Variants in ZNF98 observed in about 807,000 individuals in gnomAD.
The protein encoded by ZNF98 is zinc finger protein 739.
A neutral mutation model predicts 12.8 loss-of-function variants in ZNF98; 8 were observed. The observed-to-expected ratio is 0.63, with a 90% CI of 0.37 to 1.13. ZNF98 has a LOEUF of 1.13. Among genes scored for constraint, ZNF98 ranks in the 50% most tolerant of loss-of-function variants. The pLI is 0.01. For missense variants in ZNF98, 379 were observed against 666.1 expected (o/e 0.57, Z 4.74); for synonymous variants, 112 against 223.5 (o/e 0.50, Z 4.45).
intron 1 of ZNF98, among the ~76,000 whole-genome samples, chr19:22,418,266 A>T (rs1969665783): frequency 6.6e-6 from 1 of 152,074 alleles, no homozygotes; most frequent in African/African-American, 2.4e-5. Flanking sequence ...ACCTCCCTCA[A>T]GTTTCATAAT....
chr19:22,400,964 C>G (rs111498572), intron 3 of ZNF98, among the ~76,000 whole-genome samples: 1 of 139,740 alleles, frequency 7.2e-6, no homozygotes, highest in Non-Finnish European at 1.5e-5. Context: ...AAAAACAAAA[C>G]AAAACAAAAC....
intron 3 of ZNF98, among the ~76,000 whole-genome samples, chr19:22,401,789 G>A (rs1969460343): frequency 6.6e-6 from 1 of 151,510 alleles, no homozygotes; most frequent in Admixed American, 6.6e-5. Context: ...CCGGCTGAAA[G>A]AATATTATTA....
At chr19:22,396,160 T>G (rs2957822) in intron 3 of ZNF98, among the ~76,000 whole-genome samples, 4,150 of 152,082 alleles carry the variant, frequency 0.027, 56 homozygotes, top group African/African-American at 0.089. Flanking sequence ...CATTTTAAAT[T>G]ATCTCTAAAT....
intron 3 of ZNF98, among the ~76,000 whole-genome samples, chr19:22,394,714 A>G (rs1160696525): frequency 1.3e-5 from 2 of 152,086 alleles, no homozygotes; most frequent in Non-Finnish European, 2.9e-5. Context: ...GAAGGACAGC[A>G]TTAACCACCA....
rs1969619532 is a variant in ZNF98, at chr19:22,414,615, G to A, written c.30+7580C>T. 4.6e-5 allele frequency among the ~76,000 whole-genome samples: 7 copies of A among 152,046 alleles called. No homozygotes were observed. In the South Asian group the frequency reaches 1.4e-3, roughly 31 times the overall value. On this transcript the variant is annotated intron_variant, in intron 1 of 3. Transcript: ENST00000357774. ...CTACAACCATCTGGTCTTTGGCAAA[G>A]CTAACAAGAGGAATCTGGAAAGAAT...
intron 1 of ZNF98, among the ~76,000 whole-genome samples, chr19:22,405,669 C>T (rs556838971): frequency 6.6e-6 from 1 of 152,328 alleles, no homozygotes; most frequent in East Asian, 1.9e-4. Flanking sequence ...TCTCAACAAC[C>T]TCTCAGCTAA....
At chr19:22,401,069 A>AT (rs1009376428) in intron 3 of ZNF98, among the ~76,000 whole-genome samples, 1 of 150,770 alleles carries the variant, frequency 6.6e-6, no homozygotes, top group African/African-American at 2.5e-5. Context: ...CAATGCTTCT[A>AT]TTTTAACACA....
chr19:22,413,637 G>A (rs1432629806), intron 1 of ZNF98, among the ~76,000 whole-genome samples: 3 of 151,804 alleles, frequency 2.0e-5, no homozygotes, highest in Non-Finnish European at 2.9e-5. Flanking sequence ...TTGGGAGGCC[G>A]AGACAGGCAG....
chr19:22,394,003 A>G (rs1969362396), intron 3 of ZNF98, among the ~76,000 whole-genome samples: 1 of 148,430 alleles, frequency 6.7e-6, no homozygotes, highest in Non-Finnish European at 1.5e-5. Flanking sequence ...AAAACTAACA[A>G]CCCCATCAAA....
intron 1 of ZNF98, among the ~76,000 whole-genome samples, chr19:22,411,710 A>C (rs932242233): frequency 2.0e-5 from 3 of 152,244 alleles, no homozygotes; most frequent in African/African-American, 7.2e-5. Context: ...TAAATGCGTT[A>C]ATAAAACAGA....
intron 1 of ZNF98, among the ~76,000 whole-genome samples, chr19:22,417,550 C>A (rs752181000): frequency 1.3e-5 from 2 of 152,036 alleles, no homozygotes; most frequent in Admixed American, 1.3e-4. Flanking sequence ...CTACAGATAG[C>A]GGCTCAGGTA....
intron 1 of ZNF98, among the ~76,000 whole-genome samples, chr19:22,409,741 G>A (rs1208576994): frequency 4.0e-5 from 6 of 151,598 alleles, no homozygotes; most frequent in East Asian, 1.9e-4. Flanking sequence ...GTGAGACCCC[G>A]CCTCTACTAA....
chr19:22,420,241 C>T (rs1389897368), intron 1 of ZNF98, among the ~76,000 whole-genome samples: 1 of 152,090 alleles, frequency 6.6e-6, no homozygotes, highest in Non-Finnish European at 1.5e-5. Flanking sequence ...AGAGATTCTC[C>T]CACTCCAACC....
chr19:22,393,773 G>T (rs1322014515), intron 3 of ZNF98, among the ~76,000 whole-genome samples: 2 of 152,136 alleles, frequency 1.3e-5, no homozygotes, highest in Non-Finnish European at 2.9e-5. Flanking sequence ...ACACAGGTAT[G>T]GGCAAGGACT....
At chr19:22,396,152 T>C (rs192580174) in intron 3 of ZNF98, among the ~76,000 whole-genome samples, 337 of 151,042 alleles carry the variant, frequency 2.2e-3, no homozygotes, top group African/African-American at 8.0e-3. Context: ...GCAGAAAACA[T>C]TTTAAATTAT....
In ZNF98 at chr19:22,391,554, T is replaced by A; in HGVS notation, c.1681A>T (p.Ile561Phe). 1.3e-6 allele frequency: 2 copies of A among 1,592,812 alleles called. No individual in the cohort carries two copies. ...GCACAATTTCTTTTATATTTGGAAA[T>A]CTTTGCAATGTTGTCACAAGCATTG... ...CNNACDNIAK[I>F]SKYKRNCAGE... Residue 561 changes from isoleucine to phenylalanine, a missense_variant, in exon 4 of 4, where the codon ATT becomes TTT. Physicochemically the swap from Ile to Phe is conservative, Grantham distance 21. Transcript: ENST00000357774.
rs567019539 is a variant in ZNF98 at position 22,392,091 on chromosome 19, C to G, written c.1144G>C (p.Glu382Gln). The G allele has an allele frequency of 4.3e-5, 68 of 1,598,288 alleles. No individual in the cohort carries two copies. In the African/African-American group the frequency reaches 8.5e-4, roughly 20 times the overall value. Residue 382 changes from glutamate to glutamine, a missense_variant, in exon 4 of 4, where the codon GAA (glutamate) becomes CAA (glutamine). Physicochemically the swap from Glu to Gln is conservative, Grantham distance 29. This residue lies in a region of ZNF98 where 19 missense variants were observed against 119.7 expected (regional missense o/e 0.16). Transcript: ENST00000357774. ...HSGEKPYKCE[E>Q]CGKAFKQSST... is the part of the protein sequence containing the mutation. The stretch of plus-strand genomic sequence containing the variant: ...GATTGTTTAAAAGCTTTGCCACATT[C>G]TTCACACTTGTAGGGTTTCTCTCCA...
In ZNF98 at chr19:22,416,800, C is replaced by T. The variant is rs139923105; in HGVS notation, c.30+5395G>A. On this transcript the variant is annotated intron_variant, in intron 1 of 3. Coordinates refer to ENST00000357774, the MANE Select transcript of ZNF98 (RefSeq NM_001098626.2). ...AAATTATCATAAAATAGTGTGTGGC[C>T]GTTAAAACATGCACACACACACATA... is the stretch of plus-strand genomic sequence containing the variant. 1.6e-3 allele frequency among the ~76,000 whole-genome samples: 243 copies of T among 151,628 alleles called. 1 individual carries two copies. The highest frequency in any genetic ancestry group is 5.6e-3 in the African/African-American group (230 of 41,094).
chr19:22,403,823 T>G (rs187467146), intron 1 of ZNF98, among the ~76,000 whole-genome samples: 2 of 152,180 alleles, frequency 1.3e-5, no homozygotes, highest in Admixed American at 6.5e-5. Flanking sequence ...ACAGAATAAG[T>G]TGTGTAAATT....
Sources: allele counts gnomAD v4.1 joint callset (sites outside exome capture counted in the v4.1 genomes callset), GRCh38; gene constraint gnomAD v4.1.1; regional missense constraint gnomAD v4.1.1; transcripts MANE v1.5; gene names NCBI Gene and HGNC (gene_info 2026-07-23, HGNC 2026-07-21).